RAB37: variants seen among roughly 807,000 people sequenced by gnomAD.
The protein encoded by RAB37 is ras-related protein Rab-37.
Under a neutral mutation model 33.1 loss-of-function variants are expected in RAB37, and 29 were observed. That is an observed-to-expected ratio of 0.88 (90% confidence interval 0.65 to 1.20). RAB37 has a LOEUF of 1.20. RAB37 is among the 50% of genes most tolerant of loss of function. RAB37 has a pLI of 0.00. For synonymous variants in RAB37, 128 were observed against 119.5 expected (o/e 1.07, Z -0.47); for missense variants, 299 against 301.1 (o/e 0.99, Z 0.05).
chr17:74,743,877 T>A (rs2034682732), intron 5 of RAB37, among the ~76,000 whole-genome samples: 1 of 152,054 alleles, frequency 6.6e-6, no homozygotes. Context: ...AATAAAACGT[T>A]TATATAGAAA....
Position 74,729,781 on chromosome 17 carries a change from C to T in RAB37, c.183+415C>T, listed in dbSNP as rs1010284329. Among the ~76,000 whole-genome samples the T allele has an allele frequency of 2.6e-5, 4 of 152,142 alleles. No individual in the cohort carries two copies. The highest frequency in any genetic ancestry group is 5.9e-5 in the Non-Finnish European group (4 of 68,028). ...CTCCCCATCTCCTTCTGGGGCTCCA[C>T]ATTGGATGAACGCAAGTGGAAGCCA... On this transcript the variant is annotated intron_variant, in intron 2 of 7. Coordinates refer to the RAB37 transcript ENST00000340415. The surrounding 1 kb of genome is among the most constrained non-coding windows in gnomAD (Gnocchi z 4.2).
chr17:74,736,841 C>G, upstream of RAB37: 8 of 1,529,022 alleles, frequency 5.2e-6, no homozygotes, highest in Non-Finnish European at 7.0e-6. Flanking sequence ...CCAGGGGTCC[C>G]CAGCTCCCCG....
chr17:74,705,533 A>G (rs2033435757), intron 1 of RAB37, among the ~76,000 whole-genome samples: 1 of 152,174 alleles, frequency 6.6e-6, no homozygotes, highest in African/African-American at 2.4e-5. Flanking sequence ...ATCACCTTGT[A>G]GAAAAGCAGG....
At chr17:74,713,116 C>G (rs577228220) in intron 1 of RAB37, 2 of 477,884 alleles carry the variant, frequency 4.2e-6, no homozygotes, top group East Asian at 8.1e-5. Flanking sequence ...ATCAGCCTGG[C>G]CAACATAGTG....
At chr17:74,693,417 G>C (rs2032205201) in intron 1 of RAB37, among the ~76,000 whole-genome samples, 2 of 152,150 alleles carry the variant, frequency 1.3e-5, no homozygotes, top group African/African-American at 4.8e-5. Context: ...CCATCAGAAG[G>C]CTATAAGCAG....
chr17:74,718,521 A>G (rs28526119), intron 1 of RAB37, among the ~76,000 whole-genome samples: 14,063 of 152,136 alleles, frequency 0.092, 774 homozygotes, highest in East Asian at 0.15. Flanking sequence ...CCCCCTGCCT[A>G]GAAAATTTGA....
At chr17:74,698,628 A>C in intron 1 of RAB37, 1 of 1,476,974 alleles carries the variant, frequency 6.8e-7, no homozygotes, top group Non-Finnish European at 9.0e-7. Context: ...ACTCCTGGGG[A>C]TCCTCAAAGA....
intron 1 of RAB37, among the ~76,000 whole-genome samples, chr17:74,707,439 G>A (rs1297637409): frequency 6.6e-6 from 1 of 152,212 alleles, no homozygotes; most frequent in Non-Finnish European, 1.5e-5. Context: ...AAGAGGGTCA[G>A]GCACAGTATT....
intron 1 of RAB37, among the ~76,000 whole-genome samples, chr17:74,684,160 C>T (rs541707785): frequency 1.3e-5 from 2 of 152,200 alleles, no homozygotes; most frequent in Middle Eastern, 3.4e-3. Flanking sequence ...CACTCTGCCT[C>T]CTCTGCCTCC....
At chr17:74,713,220 G>A (rs777838338) in intron 1 of RAB37, among the ~76,000 whole-genome samples, 30 of 151,384 alleles carry the variant, frequency 2.0e-4, no homozygotes, top group Non-Finnish European at 3.5e-4. Context: ...CAGAAGAATC[G>A]CTTGAACCTA....
intron 1 of RAB37, chr17:74,704,941 C>A: frequency 1.3e-6 from 1 of 762,454 alleles, no homozygotes. Flanking sequence ...AAGAAATACA[C>A]CTTCCGCAGA....
chr17:74,673,001 G>GA (rs1321938952), intron 1 of RAB37: 3 of 152,178 alleles, frequency 2.0e-5, no homozygotes, highest in African/African-American at 7.2e-5. Context: ...TAGAGAAGGA[G>GA]AAAAAATGTA....
At chr17:74,673,535 C>T (rs557325060) in intron 1 of RAB37, among the ~76,000 whole-genome samples, 86 of 151,204 alleles carry the variant, frequency 5.7e-4, no homozygotes, top group Non-Finnish European at 1.0e-3. Context: ...GGTATAAATA[C>T]TCATTTTGAA....
chr17:74,698,527 G>A, intron 1 of RAB37: 1 of 1,569,396 alleles, frequency 6.4e-7, no homozygotes, highest in Non-Finnish European at 8.6e-7. Context: ...CTCACCACCT[G>A]CCTCTCAGCC....
chr17:74,672,169 G>T (rs2031720878), intron 1 of RAB37, among the ~76,000 whole-genome samples: 2 of 152,062 alleles, frequency 1.3e-5, no homozygotes, highest in Non-Finnish European at 2.9e-5. Flanking sequence ...GTAAGCATTT[G>T]CTTATTTCAA....
At chr17:74,701,148 G>T (rs946790978) in intron 1 of RAB37, among the ~76,000 whole-genome samples, 1 of 152,114 alleles carries the variant, frequency 6.6e-6, no homozygotes, top group Non-Finnish European at 1.5e-5. Context: ...ATTTTGTTAG[G>T]GGCAACCCAA....
chr17:74,696,051 C>T, intron 1 of RAB37: 1 of 1,261,476 alleles, frequency 7.9e-7, no homozygotes, highest in Non-Finnish European at 1.1e-6. Flanking sequence ...AGGCCCTCAG[C>T]CCCCAGGCCC....
chr17:74,679,621 A>G (rs1027646063), intron 1 of RAB37, among the ~76,000 whole-genome samples: 4 of 152,200 alleles, frequency 2.6e-5, no homozygotes, highest in Non-Finnish European at 5.9e-5. Context: ...TATACTTAAC[A>G]TATGCTTTTT....
chr17:74,742,298 G>A lies in RAB37; in HGVS notation c.246+3G>A, dbSNP rs2034638178. 4.3e-6 allele frequency: 7 copies of A among 1,612,028 alleles called. No homozygotes were observed. Among genetic ancestry groups the A allele is most frequent in the Non-Finnish European group, 5.9e-6 (7 of 1,178,570 alleles). On this transcript the variant is annotated splice_donor_region_variant and intron_variant, in intron 3 of 8. Coordinates refer to ENST00000392613, the MANE Select transcript of RAB37 (RefSeq NM_001006638.3). The surrounding 1 kb of genome is among the most constrained non-coding windows in gnomAD (Gnocchi z 4.0). Reference sequence around the variant, plus strand: ...ATGGCGTGAGAGTGAAGCTGCAGGTGAGACCAGAGGCTGGAGTTGGGGAGG... The same window carrying A: ...ATGGCGTGAGAGTGAAGCTGCAGGTAAGACCAGAGGCTGGAGTTGGGGAGG...
Sources: allele counts gnomAD v4.1 joint callset (sites outside exome capture counted in the v4.1 genomes callset), GRCh38; gene constraint gnomAD v4.1.1; non-coding constraint Gnocchi (gnomAD v3.1); transcripts MANE v1.5; gene names NCBI Gene and HGNC (gene_info 2026-07-23, HGNC 2026-07-21).